The following NEK4 variants were observed in gnomAD, a reference collection of about 807,000 sequenced individuals.
NEK4 encodes NIMA related kinase 4.
NEK4 carries 86 observed loss-of-function variants against 98.4 expected under a neutral mutation model. That is an observed-to-expected ratio of 0.87 (90% CI 0.73 to 1.05). The LOEUF (loss-of-function observed/expected upper bound fraction) is 1.05, where lower values mean the gene tolerates loss of function less well. Ranked by LOEUF, NEK4 falls within the 50% of genes least tolerant of loss-of-function variation. The pLI is 0.00. For synonymous variants in NEK4, 328 were observed against 342.2 expected (o/e 0.96, Z 0.46); for missense variants, 898 against 950.3 (o/e 0.94, Z 0.72).
intron 6 of NEK4, among the ~76,000 whole-genome samples, chr3:52,753,226 C>T (rs13095332): frequency 0.34 from 51,299 of 151,530 alleles, 9,669 homozygotes; most frequent in Admixed American, 0.46. Flanking sequence ...TTGCTTGAGC[C>T]GGGAGGTCAA....
At chr3:52,743,504 C>G (rs962810745) in intron 11 of NEK4, 43 bp from the exon 12 acceptor site, 3 of 1,505,072 alleles carry the variant, frequency 2.0e-6, no homozygotes, top group Non-Finnish European at 2.8e-6. Flanking sequence ...TGGTGGGCTG[C>G]CCCAGTTGAA....
At chr3:52,752,927 T>TACACAC (rs1299044456) in intron 6 of NEK4, among the ~76,000 whole-genome samples, 6 of 45,664 alleles carry the variant, frequency 1.3e-4, no homozygotes, top group African/African-American at 2.3e-4. Context: ...AATATATATA[T>TACACAC]ATATATACAC....
chr3:52,728,681 T>C (rs1179238933), intron 15 of NEK4, among the ~76,000 whole-genome samples: 4 of 152,006 alleles, frequency 2.6e-5, no homozygotes, highest in Non-Finnish European at 4.4e-5. Flanking sequence ...GCCTGAGGGG[T>C]CGGGCAAAAT....
intron 12 of NEK4, among the ~76,000 whole-genome samples, chr3:52,743,008 C>T (rs2097389375): frequency 6.6e-6 from 1 of 152,140 alleles, no homozygotes; most frequent in African/African-American, 2.4e-5. Context: ...TGATCTCAAA[C>T]TCCTGGGCTA....
rs760980667 is a variant in NEK4 at position 52,766,223 on chromosome 3, G to C, written c.513C>G (p.Tyr171Ter). The C allele has an allele frequency of 2.5e-6, 4 of 1,614,194 alleles. No homozygotes were observed. Among genetic ancestry groups the C allele is most frequent in the Non-Finnish European group, 3.4e-6 (4 of 1,180,026 alleles). ...DMASTLIGTPYYMSPELFSNK... is the reference protein window; with the variant it reads ...DMASTLIGTP ...TTGAGAACAATTCAGGGCTCATGTA[G>C]TAGGGTGTGCCAATGAGGGTGCTAG... The change falls in exon 3 of 16, where the codon TAC becomes TAG. Residue 171 changes from tyrosine to a stop codon, truncating the protein, a stop_gained. Transcript: ENST00000233027. LOFTEE classifies it high-confidence loss of function.
In NEK4 at chr3:52,768,334, G is replaced by A. The variant is rs1210556607; in HGVS notation, c.360+4C>T. 6 of 1,613,836 alleles carry A rather than the reference G, an allele frequency of 3.7e-6. No individual in the cohort carries two copies. In the South Asian group the frequency reaches 6.6e-5, roughly 18 times the overall value. The stretch of plus-strand genomic sequence containing the variant: ...AGCTAGGATGCTATTAGTCTACACA[G>A]TACCTGCAAAGCCATGGCGATCTGT... On this transcript the variant is annotated splice_donor_region_variant and intron_variant, in intron 2 of 15. Transcript: ENST00000233027.
chr3:52,760,776 C>G lies in NEK4; in HGVS notation c.963+19G>C, dbSNP rs978308145. On this transcript the variant is annotated intron_variant, in intron 6 of 15. Coordinates refer to ENST00000233027, the MANE Select transcript of NEK4 (RefSeq NM_003157.6). Reference sequence around the variant, plus strand: ...TAAGTGCAGTTTCTAAAACACATACCCTTTAAAAAGAAACGTACCATTATA... The same window carrying G: ...TAAGTGCAGTTTCTAAAACACATACGCTTTAAAAAGAAACGTACCATTATA... 1 of 1,580,740 alleles carries G rather than the reference C, an allele frequency of 6.3e-7. No individual in the cohort carries two copies. The highest frequency in any genetic ancestry group is 1.2e-5 in the South Asian group (1 of 86,548).
intron 1 of NEK4, 115 bp from the exon 2 acceptor site, chr3:52,768,719 G>A (rs1698672050): frequency 2.3e-6 from 2 of 864,178 alleles, no homozygotes; most frequent in East Asian, 2.5e-5. Flanking sequence ...GAGCCTGTCA[G>A]ATAACCTATT....
intron 8 of NEK4, among the ~76,000 whole-genome samples, chr3:52,749,474 G>A (rs2154104901): frequency 6.6e-6 from 1 of 151,864 alleles, no homozygotes; most frequent in South Asian, 2.1e-4. Context: ...TAAGTAACTG[G>A]TATCTAGAAT....
chr3:52,711,751 T>C lies in NEK4; in HGVS notation c.*26A>G. The C allele has an allele frequency of 6.8e-7, 1 of 1,480,138 alleles. No individual in the cohort carries two copies. Among genetic ancestry groups the C allele is most frequent in the South Asian group, 1.2e-5 (1 of 86,780 alleles). 91.7% of individuals were successfully genotyped at this position (1,480,138 alleles called of 1,614,324 possible). On this transcript the variant is annotated 3_prime_UTR_variant, in exon 16 of 16. Transcript: ENST00000233027. Reference sequence around the variant, plus strand: ...AAATCCTCTAAAAATAGGTCTTTAATTCTGGCAGCAGATTAGGACAAATGC... The same window carrying C: ...AAATCCTCTAAAAATAGGTCTTTAACTCTGGCAGCAGATTAGGACAAATGC...
At chr3:52,746,968 A>T in intron 8 of NEK4, 64 bp from the exon 9 acceptor site, 1 of 1,293,304 alleles carries the variant, frequency 7.7e-7, no homozygotes, top group Non-Finnish European at 1.1e-6. Context: ...AATCCAAAGT[A>T]AGTTGTCCAT....
At chr3:52,721,736 A>G (rs1037218767) in intron 15 of NEK4, among the ~76,000 whole-genome samples, 1 of 125,158 alleles carries the variant, frequency 8.0e-6, no homozygotes, top group African/African-American at 2.7e-5. Flanking sequence ...ACCCTGTCTC[A>G]AAAAAAAAAA....
chr3:52,714,597 C>T (rs1376995661), intron 15 of NEK4, among the ~76,000 whole-genome samples: 2 of 152,220 alleles, frequency 1.3e-5, no homozygotes, highest in African/African-American at 4.8e-5. Context: ...CAGAGCCCGC[C>T]CCTGGGAGCC....
intron 8 of NEK4, among the ~76,000 whole-genome samples, chr3:52,748,955 C>T (rs535177622): frequency 3.2e-4 from 48 of 152,044 alleles, no homozygotes; most frequent in East Asian, 9.7e-4. Context: ...GGCGTGCTGG[C>T]GTATGCCTGT....
chr3:52,725,263 G>A (rs1266602007), intron 15 of NEK4, among the ~76,000 whole-genome samples: 1 of 152,204 alleles, frequency 6.6e-6, no homozygotes, highest in Non-Finnish European at 1.5e-5. Context: ...TGTAATCCCA[G>A]CACTTTGGGA....
intron 15 of NEK4, among the ~76,000 whole-genome samples, chr3:52,728,965 T>C (rs1170523623): frequency 6.6e-6 from 1 of 152,134 alleles, no homozygotes; most frequent in African/African-American, 2.4e-5. Flanking sequence ...TCAGACCGGT[T>C]CTCTGCTCTC....
chr3:52,752,440 T>A, intron 6 of NEK4, 104 bp from the exon 7 acceptor site: 1 of 1,098,090 alleles, frequency 9.1e-7, no homozygotes, highest in Non-Finnish European at 1.3e-6. Flanking sequence ...AACATAGAAT[T>A]AACATATGAC....
At chr3:52,757,309 G>A (rs1343399217) in intron 6 of NEK4, among the ~76,000 whole-genome samples, 3 of 152,208 alleles carry the variant, frequency 2.0e-5, no homozygotes, top group South Asian at 2.1e-4. Flanking sequence ...TGTAATTCTA[G>A]CACTTTGGGA....
At chr3:52,763,901 T>G (rs1467105753) in intron 4 of NEK4, among the ~76,000 whole-genome samples, 1 of 152,266 alleles carries the variant, frequency 6.6e-6, no homozygotes, top group Non-Finnish European at 1.5e-5. Context: ...ATCGGGATGT[T>G]CAATGCAGTA....
Sources: allele counts gnomAD v4.1 joint callset (sites outside exome capture counted in the v4.1 genomes callset), GRCh38; gene constraint gnomAD v4.1.1; transcripts MANE v1.5; gene names NCBI Gene and HGNC (gene_info 2026-07-23, HGNC 2026-07-21).